The following ATXN1 variants were observed in gnomAD, a reference collection of about 807,000 sequenced individuals.
ATXN1 encodes the protein ataxin-1.
Under a neutral mutation model 56.4 loss-of-function variants are expected in ATXN1, and 8 were observed. That is an observed-to-expected ratio of 0.14 (90% CI 0.08 to 0.26). ATXN1 has a LOEUF of 0.26. ATXN1 is among the 10% of genes least tolerant of loss of function. The probability of loss-of-function intolerance (pLI) is 1.00; values close to 1 mark genes in which losing one functional copy is unlikely to be tolerated. For missense variants in ATXN1, 987 were observed against 1,106.5 expected (o/e 0.89, Z 1.53); for synonymous variants, 514 against 494.6 (o/e 1.04, Z -0.52).
chr6:16,359,082 A>G (rs1179227534), intron 6 of ATXN1, among the ~76,000 whole-genome samples: 1 of 152,204 alleles, frequency 6.6e-6, no homozygotes, highest in Non-Finnish European at 1.5e-5. Context: ...GTCTGCGCCC[A>G]CTGCCTGGCC....
intron 4 of ATXN1, among the ~76,000 whole-genome samples, chr6:16,528,903 G>T (rs1020282789): frequency 6.6e-6 from 1 of 152,120 alleles, no homozygotes; most frequent in Non-Finnish European, 1.5e-5. Flanking sequence ...TTGCAGCCGG[G>T]CACAGTGGCT....
chr6:16,603,410 T>C (rs1017895630), intron 3 of ATXN1, among the ~76,000 whole-genome samples: 12 of 152,070 alleles, frequency 7.9e-5, no homozygotes, highest in Non-Finnish European at 1.5e-5. Context: ...CATACTCCAT[T>C]CTGTAATAAA....
intron 2 of ATXN1, among the ~76,000 whole-genome samples, chr6:16,694,699 T>G (rs778493002): frequency 1.3e-5 from 2 of 152,218 alleles, no homozygotes; most frequent in Non-Finnish European, 2.9e-5. Flanking sequence ...TCGTCTACAA[T>G]AACCTTCTAT....
At chr6:16,378,586 G>A (rs977985563) in intron 6 of ATXN1, among the ~76,000 whole-genome samples, 1 of 151,056 alleles carries the variant, frequency 6.6e-6, no homozygotes, top group African/African-American at 2.4e-5. Context: ...TAGAGACAGG[G>A]TCTCACTCTG....
At chr6:16,660,318 G>A (rs16878721) in intron 2 of ATXN1, among the ~76,000 whole-genome samples, 12,468 of 152,178 alleles carry the variant, frequency 0.082, 1,716 homozygotes, top group African/African-American at 0.28. Context: ...GGGGCCTAGG[G>A]CATTCACAGA....
chr6:16,370,969 T>C (rs1025776350), intron 6 of ATXN1, among the ~76,000 whole-genome samples: 2 of 152,202 alleles, frequency 1.3e-5, no homozygotes, highest in Non-Finnish European at 2.9e-5. Context: ...GAAATTATTC[T>C]AGGAGCCATG....
intron 6 of ATXN1, among the ~76,000 whole-genome samples, chr6:16,460,701 T>C (rs1482876429): frequency 6.6e-6 from 1 of 152,152 alleles, no homozygotes; most frequent in Admixed American, 6.5e-5. Context: ...CTCTTAGAAG[T>C]ACCCTTAGCT....
intron 2 of ATXN1, among the ~76,000 whole-genome samples, chr6:16,683,437 C>T (rs942024949): frequency 6.6e-6 from 1 of 152,236 alleles, no homozygotes; most frequent in Non-Finnish European, 1.5e-5. Context: ...CCTCTGTTAA[C>T]TACGCTGCAG....
At chr6:16,732,756 A>G (rs1760019169) in intron 2 of ATXN1, among the ~76,000 whole-genome samples, 1 of 152,234 alleles carries the variant, frequency 6.6e-6, no homozygotes, top group South Asian at 2.1e-4. Flanking sequence ...AGACTAATAT[A>G]CTTCTACATG....
At chr6:16,586,671 A>C (rs566875807) in intron 3 of ATXN1, among the ~76,000 whole-genome samples, 27 of 152,312 alleles carry the variant, frequency 1.8e-4, no homozygotes, top group Non-Finnish European at 3.1e-4. Flanking sequence ...GGATTCTAGT[A>C]CTATACCATC....
At chr6:16,649,060 C>T (rs555218357) in intron 3 of ATXN1, among the ~76,000 whole-genome samples, 51 of 152,178 alleles carry the variant, frequency 3.4e-4, no homozygotes, top group African/African-American at 1.2e-3. Flanking sequence ...GCCTCACACA[C>T]TAGCCTTCAT....
chr6:16,387,192 C>T (rs78904100), intron 6 of ATXN1, among the ~76,000 whole-genome samples: 8,941 of 152,082 alleles, frequency 0.059, 341 homozygotes, highest in Non-Finnish European at 0.09. Context: ...ATGGTGGTCA[C>T]GGATCAGCAC....
chr6:16,521,444 G>A (rs1348066195), intron 5 of ATXN1, among the ~76,000 whole-genome samples: 1 of 152,188 alleles, frequency 6.6e-6, no homozygotes, highest in Non-Finnish European at 1.5e-5. Flanking sequence ...TGTAGTCCCA[G>A]CTACTCAGGA....
chr6:16,667,773 T>A (rs149121663), intron 2 of ATXN1, among the ~76,000 whole-genome samples: 3 of 152,326 alleles, frequency 2.0e-5, no homozygotes, highest in African/African-American at 7.2e-5. Flanking sequence ...ACCATCCACC[T>A]CTGTCCCCTT....
intron 6 of ATXN1, among the ~76,000 whole-genome samples, chr6:16,425,863 G>C (rs1049974459): frequency 6.6e-6 from 1 of 152,128 alleles, no homozygotes; most frequent in Admixed American, 6.5e-5. Context: ...TCCCGTAGCA[G>C]ATGACCCTCT....
chr6:16,390,356 C>T (rs9464893), intron 6 of ATXN1, among the ~76,000 whole-genome samples: 21,838 of 152,096 alleles, frequency 0.14, 1,857 homozygotes, highest in African/African-American at 0.23. Flanking sequence ...CATCTTGGGC[C>T]CCACTGAGAG....
At position 16,752,528 on chromosome 6, in the gene ATXN1, G is replaced by T. The variant is rs972514721; in HGVS notation, c.-615+705C>A. Among the ~76,000 whole-genome samples the T allele has an allele frequency of 5.3e-5, 8 of 152,246 alleles. No individual in the cohort carries two copies. The East Asian group carries it at 5.8e-4, about 11-fold the overall frequency. ...TCCATTTCCAAGGCAAATAGAAATT[G>T]ATCCCCTATTTTCTATTTCACAATC... On this transcript the variant is annotated intron_variant, in intron 2 of 7. Coordinates refer to ENST00000436367, the MANE Select transcript of ATXN1 (RefSeq NM_001128164.2).
At chr6:16,570,299 CT>C (rs1414845304) in intron 4 of ATXN1, among the ~76,000 whole-genome samples, 3 of 152,184 alleles carry the variant, frequency 2.0e-5, no homozygotes, top group African/African-American at 7.2e-5. Context: ...CCTCTTATTC[CT>C]TCTAATCTAT....
intron 4 of ATXN1, among the ~76,000 whole-genome samples, chr6:16,542,084 T>G (rs938956844): frequency 5.3e-5 from 8 of 151,654 alleles, no homozygotes; most frequent in Non-Finnish European, 1.2e-4. Context: ...TGAAGGCTTG[T>G]CAAGTGCTTT....
Sources: gnomAD v4.1 joint callset for allele counts (sites outside exome capture counted in the v4.1 genomes callset) on GRCh38, gnomAD v4.1.1 for gene constraint, MANE v1.5 for transcripts, NCBI Gene and HGNC (gene_info 2026-07-23, HGNC 2026-07-21) for gene names.